KMT2E: variants seen among roughly 807,000 people sequenced by gnomAD.
KMT2E encodes histone reader KMT2E.
KMT2E carries 30 observed loss-of-function variants against 184.6 expected under a neutral mutation model. That is an observed-to-expected ratio of 0.16 (90% CI 0.12 to 0.22). The LOEUF is 0.22. KMT2E is among the 10% of genes least tolerant of loss of function. KMT2E has a pLI of 1.00. For missense variants in KMT2E, 2,023 were observed against 2,237.4 expected (o/e 0.90, Z 1.93); for synonymous variants, 815 against 776.5 (o/e 1.05, Z -0.82).
At chr7:105,052,675 C>T (rs1403455637) in intron 3 of KMT2E, among the ~76,000 whole-genome samples, 1 of 152,152 alleles carries the variant, frequency 6.6e-6, no homozygotes, top group Non-Finnish European at 1.5e-5. Context: ...TCTCCTGCCT[C>T]AGCCTCCCAA....
chr7:105,065,144 C>A (rs940818523), intron 5 of KMT2E, among the ~76,000 whole-genome samples: 2 of 152,234 alleles, frequency 1.3e-5, no homozygotes, highest in Middle Eastern at 3.4e-3. Flanking sequence ...GTTGCTCAGC[C>A]TGTAGTCTCC....
intron 10 of KMT2E, 27 bp downstream of exon 10, chr7:105,077,220 G>A (rs371218918): frequency 1.6e-4 from 263 of 1,607,374 alleles, no homozygotes; most frequent in Non-Finnish European, 2.2e-4. Context: ...TCCAAAAATT[G>A]TAAAGCAGTT....
At chr7:105,066,980 A>G (rs1797051502) in intron 6 of KMT2E, among the ~76,000 whole-genome samples, 173 bp downstream of exon 6, 1 of 150,212 alleles carries the variant, frequency 6.7e-6, no homozygotes, top group Non-Finnish European at 1.5e-5. Context: ...TTGCTTGAGC[A>G]CAGGAGTTTG....
Position 105,106,749 on chromosome 7 carries a change from C to G in KMT2E, c.2824C>G (p.Pro942Ala). The G allele has an allele frequency of 6.2e-7, 1 of 1,613,756 alleles. No individual in the cohort carries two copies. Among genetic ancestry groups the G allele is most frequent in the Non-Finnish European group, 8.5e-7 (1 of 1,179,852 alleles). Residue 942 changes from proline to alanine, a missense_variant, in exon 20 of 27, where the codon CCA (proline) becomes GCA (alanine). Pro to Ala is a conservative substitution (Grantham distance 27). Transcript: ENST00000311117. ...AGTTACCCCAGTAACTCCTGGTACACCAGGAAATACCATGCACTTTGAGGT... is the reference window on the plus strand; with the variant it reads ...AGTTACCCCAGTAACTCCTGGTACAGCAGGAAATACCATGCACTTTGAGGT... ...SPVTPVTPGT[P>A]GNTMHFENIS... is the part of the protein sequence containing the mutation.
intron 17 of KMT2E, chr7:105,103,882 C>T (rs1372657018): frequency 1.4e-5 from 2 of 142,976 alleles, no homozygotes; most frequent in African/African-American, 2.6e-5. Flanking sequence ...CGCTGGAGTG[C>T]AGTGGTGTGA....
At chr7:105,041,401 T>A (rs1221166208) in intron 3 of KMT2E, among the ~76,000 whole-genome samples, 1 of 152,128 alleles carries the variant, frequency 6.6e-6, no homozygotes, top group Admixed American at 6.5e-5. Flanking sequence ...GGTGCTTGGG[T>A]TCCCCCCACC....
intron 15 of KMT2E, among the ~76,000 whole-genome samples, chr7:105,098,185 AAAG>A (rs1428083941): frequency 6.6e-6 from 1 of 151,934 alleles, no homozygotes; most frequent in Non-Finnish European, 1.5e-5. Context: ...TTTCAAGACC[AAAG>A]AAGAATAGGG....
At chr7:105,043,624 T>G (rs1795981742) in intron 3 of KMT2E, among the ~76,000 whole-genome samples, 1 of 152,224 alleles carries the variant, frequency 6.6e-6, no homozygotes. Context: ...CATTTTGGTA[T>G]AAAACAAATA....
At chr7:105,085,916 C>A (rs1797944485) in intron 13 of KMT2E, among the ~76,000 whole-genome samples, 2 of 152,176 alleles carry the variant, frequency 1.3e-5, no homozygotes, top group Non-Finnish European at 2.9e-5. Flanking sequence ...TCATGGTCCG[C>A]CCGCCTCGGC....
chr7:105,043,120 G>T (rs1328549789), intron 3 of KMT2E, among the ~76,000 whole-genome samples: 1 of 152,112 alleles, frequency 6.6e-6, no homozygotes, highest in Admixed American at 6.5e-5. Flanking sequence ...TGAGGAATTA[G>T]AGCTTATTTA....
intron 12 of KMT2E, among the ~76,000 whole-genome samples, chr7:105,079,182 C>G (rs1384996630): frequency 6.7e-6 from 1 of 148,394 alleles, no homozygotes; most frequent in African/African-American, 2.5e-5. Context: ...GTTGCCCAGG[C>G]TGGAATACAA....
intron 1 of KMT2E, among the ~76,000 whole-genome samples, chr7:105,021,893 TTAAAAA>T (rs1294823858): frequency 1.3e-5 from 2 of 152,180 alleles, no homozygotes; most frequent in Non-Finnish European, 2.9e-5. Flanking sequence ...TGGTTTTAAC[TTAAAAA>T]TAATGTAAAA....
chr7:105,034,322 T>C (rs913398808), intron 1 of KMT2E, among the ~76,000 whole-genome samples: 3 of 152,154 alleles, frequency 2.0e-5, no homozygotes, highest in Non-Finnish European at 4.4e-5. Context: ...AATCTCAAAC[T>C]CCTAGGCTCA....
At chr7:105,104,141 A>C (rs1254773295) in intron 17 of KMT2E, 3 of 152,120 alleles carry the variant, frequency 2.0e-5, no homozygotes, top group Non-Finnish European at 4.4e-5. Flanking sequence ...TCTATAAGTT[A>C]CATTTACGCT....
chr7:105,053,194 G>A (rs1251175485), intron 3 of KMT2E, among the ~76,000 whole-genome samples: 1 of 152,042 alleles, frequency 6.6e-6, no homozygotes, highest in Admixed American at 6.6e-5. Context: ...TTTTTTAAAG[G>A]CATTAGGAAA....
At chr7:105,049,921 A>T (rs1796261598) in intron 3 of KMT2E, among the ~76,000 whole-genome samples, 1 of 152,014 alleles carries the variant, frequency 6.6e-6, no homozygotes, top group Non-Finnish European at 1.5e-5. Context: ...GAAAAATGTC[A>T]CTTTTAAAAA....
At chr7:105,071,062 TTTCC>T (rs1223431382) in intron 6 of KMT2E, among the ~76,000 whole-genome samples, 2 of 152,204 alleles carry the variant, frequency 1.3e-5, no homozygotes, top group Admixed American at 6.5e-5. Context: ...TATATTTGTA[TTTCC>T]TTCCTTATTT....
At chr7:105,071,767 A>G (rs978531566) in intron 6 of KMT2E, among the ~76,000 whole-genome samples, 1 of 150,676 alleles carries the variant, frequency 6.6e-6, no homozygotes, top group Admixed American at 6.6e-5. Context: ...TGCAGTTTTG[A>G]ATTCCAAACA....
intron 3 of KMT2E, among the ~76,000 whole-genome samples, chr7:105,042,054 G>A (rs1795904883): frequency 1.3e-5 from 2 of 152,150 alleles, no homozygotes; most frequent in African/African-American, 2.4e-5. Flanking sequence ...CTGGAGTGCA[G>A]TAGGGCAGTC....
Sources: gnomAD v4.1 joint callset for allele counts (sites outside exome capture counted in the v4.1 genomes callset) on GRCh38, gnomAD v4.1.1 for gene constraint, MANE v1.5 for transcripts, NCBI Gene and HGNC (gene_info 2026-07-23, HGNC 2026-07-21) for gene names.